GEMIN5: variants seen among roughly 807,000 people sequenced by gnomAD.
The protein encoded by GEMIN5 is gem-associated protein 5.
A neutral mutation model predicts 176.9 loss-of-function variants in GEMIN5; 124 were observed. That is an observed-to-expected ratio of 0.70 (90% CI 0.61 to 0.81). GEMIN5 has a LOEUF of 0.81. Among genes scored for constraint, GEMIN5 ranks in the 40% least tolerant of loss-of-function variants. The pLI is 0.00. For missense variants in GEMIN5, 1,843 were observed against 1,814.6 expected, an observed-to-expected ratio of 1.02 and a Z score of -0.28; for synonymous variants, 673 against 665.2, an observed-to-expected ratio of 1.01 and a Z score of -0.18.
Position 154,938,152 on chromosome 5 carries a change from A to G in GEMIN5, c.-19T>C, listed in dbSNP as rs528881574. On this transcript the variant is annotated 5_prime_UTR_variant, in exon 1 of 28. Transcript: ENST00000285873. ...GCCCCATAACTACAAGCCGTCAGAG[A>G]CAAGAGAAGCTGCCACAGCCGACCG... 7.4e-7 allele frequency: 1 copy of G among 1,357,254 alleles called. No individual in the cohort carries two copies. Among genetic ancestry groups the G allele is most frequent in the Non-Finnish European group, 9.5e-7 (1 of 1,047,936 alleles). The allele number at this position is 1,357,254 out of a possible 1,614,324, so 84.1% of individuals were successfully genotyped here.
chr5:154,928,566 G>C lies in GEMIN5; in HGVS notation c.875C>G (p.Pro292Arg), dbSNP rs1393795028. ...KERLWLTLHW[P>R]SNQPTQLVSS... ...TACCAGCTGTGTTGGTTGATTGCTGGGCCAATGGAGTGTCAACCAAAGGCG... is the reference window on the plus strand; with the variant it reads ...TACCAGCTGTGTTGGTTGATTGCTGCGCCAATGGAGTGTCAACCAAAGGCG... Residue 292 changes from proline to arginine, a missense_variant, in exon 6 of 28, where the codon CCC (proline) becomes CGC (arginine). Coordinates refer to ENST00000285873, the MANE Select transcript of GEMIN5 (RefSeq NM_015465.5). The C allele has an allele frequency of 1.2e-6, 2 of 1,613,896 alleles. No homozygotes were observed. Among genetic ancestry groups the C allele is most frequent in the Non-Finnish European group, 1.7e-6 (2 of 1,179,806 alleles).
intron 23 of GEMIN5, among the ~76,000 whole-genome samples, chr5:154,897,370 G>A (rs1246110247): frequency 1.3e-5 from 2 of 152,180 alleles, no homozygotes; most frequent in Non-Finnish European, 2.9e-5. Context: ...TCAGAAACTA[G>A]GTAAGTGTGC....
chr5:154,928,316 A>C lies in GEMIN5; in HGVS notation c.914+211T>G, dbSNP rs551590262. Among the ~76,000 whole-genome samples the C allele has an allele frequency of 4.4e-4, 67 of 152,338 alleles. 1 individual carries two copies. In the South Asian group the frequency reaches 0.013, roughly 30 times the overall value. The stretch of plus-strand genomic sequence containing the variant: ...GATTCTGAAATTTAGTTCTGACTTC[A>C]GAGTCCATATTCCTAACTGCCGGAC... On this transcript the variant is annotated intron_variant, in intron 6 of 27. Transcript: ENST00000285873.
chr5:154,934,558 C>T (rs188123418), intron 3 of GEMIN5, among the ~76,000 whole-genome samples: 2 of 152,176 alleles, frequency 1.3e-5, no homozygotes, highest in African/African-American at 4.8e-5. Flanking sequence ...GTGATCCACC[C>T]GCCTCGGCCT....
intron 11 of GEMIN5, among the ~76,000 whole-genome samples, chr5:154,918,798 T>C (rs1218757458): frequency 6.6e-6 from 1 of 151,398 alleles, no homozygotes; most frequent in East Asian, 2.0e-4. Context: ...AATCAGTACT[T>C]TGGGAGGCCA....
chr5:154,924,140 C>T (rs1763980023), intron 9 of GEMIN5, among the ~76,000 whole-genome samples: 1 of 152,084 alleles, frequency 6.6e-6, no homozygotes, highest in Admixed American at 6.5e-5. Flanking sequence ...GTGTATTTTA[C>T]ACTTACAGCA....
In GEMIN5 at chr5:154,938,058, C is replaced by T. The variant is rs369180681; in HGVS notation, c.76G>A (p.Gly26Ser). Residue 26 changes from glycine to serine, a missense_variant, in exon 1 of 28, where the codon GGC becomes AGC. Transcript: ENST00000285873. ...CARCSDAVPG[G>S]LFGFAARTSV... ...GTCCGCGCGGCGAAGCCAAAGAGGC[C>T]CCCGGGCACGGCATCGCTGCAGCGG... 44 of 1,534,108 alleles carry T rather than the reference C, an allele frequency of 2.9e-5. No homozygotes were observed. The Middle Eastern group carries it at 8.1e-4, about 28-fold the overall frequency.
chr5:154,915,367 T>C (rs898600407), intron 13 of GEMIN5, among the ~76,000 whole-genome samples: 2 of 152,188 alleles, frequency 1.3e-5, no homozygotes, highest in African/African-American at 4.8e-5. Flanking sequence ...TAGTGTCAGA[T>C]TATAATTTCT....
At chr5:154,909,631 A>G (rs1162167903) in intron 15 of GEMIN5, among the ~76,000 whole-genome samples, 1 of 152,136 alleles carries the variant, frequency 6.6e-6, no homozygotes, top group Non-Finnish European at 1.5e-5. Context: ...CCCCTGCTTG[A>G]GCCCTAGGCA....
intron 13 of GEMIN5, among the ~76,000 whole-genome samples, chr5:154,914,084 G>A (rs1763764140): frequency 1.3e-5 from 2 of 151,668 alleles, no homozygotes; most frequent in Non-Finnish European, 2.9e-5. Context: ...GCAATGGCAC[G>A]ATCTCGGCTC....
chr5:154,912,041 T>C, intron 14 of GEMIN5, 143 bp from the exon 15 acceptor site: 1 of 737,858 alleles, frequency 1.4e-6, no homozygotes, highest in Non-Finnish European at 2.2e-6. Context: ...GAGTTTTCTC[T>C]TAGAAGTTCA....
At chr5:154,892,769 A>C (rs541276422) in intron 24 of GEMIN5, 2 of 518,288 alleles carry the variant, frequency 3.9e-6, no homozygotes, top group Non-Finnish European at 6.9e-6. Context: ...AAGTCTGTTC[A>C]CACTGAGAAA....
rs1763552113 is a variant in GEMIN5, at chr5:154,905,593, T to C, written c.2396-117A>G. On this transcript the variant is annotated intron_variant, in intron 16 of 27. Coordinates refer to ENST00000285873, the MANE Select transcript of GEMIN5 (RefSeq NM_015465.5). ...TTAGCAATATAATCAATTCATCTAT[T>C]ACCAAAACTTTTGAGATAAAATGCA... The C allele has an allele frequency of 3.1e-5, 14 of 451,386 alleles. No individual in the cohort carries two copies. In the South Asian group the frequency reaches 5.0e-4, roughly 16 times the overall value. The allele number at this position is 451,386 out of a possible 1,614,324, so 28.0% of individuals were successfully genotyped here. A position where few individuals can be genotyped will look rare whatever the true frequency, so the allele number is the denominator to read the frequency against.
intron 21 of GEMIN5, among the ~76,000 whole-genome samples, chr5:154,900,417 T>C (rs1026035395): frequency 6.6e-5 from 10 of 152,202 alleles, no homozygotes; most frequent in African/African-American, 2.4e-4. Context: ...CAGACTTACC[T>C]TTCTGCCATA....
Position 154,887,779 on chromosome 5 carries a change from C to A in GEMIN5, c.*431G>T, listed in dbSNP as rs1322967608. On this transcript the variant is annotated 3_prime_UTR_variant, in exon 28 of 28. Transcript: ENST00000285873. ...TATAAAAACAATTAAAAAAAGGTAT[C>A]AATAGTCCTAAAATGCAGCAACTCC... 3 of 156,558 alleles carry A rather than the reference C, an allele frequency of 1.9e-5. No homozygotes were observed. Among genetic ancestry groups the A allele is most frequent in the African/African-American group, 4.8e-5 (2 of 41,474 alleles). 9.7% of individuals were successfully genotyped at this position (156,558 alleles called of 1,614,324 possible).
At chr5:154,895,336 G>GAAAAAA (rs370508883) in intron 24 of GEMIN5, among the ~76,000 whole-genome samples, 1 of 75,664 alleles carries the variant, frequency 1.3e-5, no homozygotes, top group Non-Finnish European at 2.7e-5. Flanking sequence ...CTCCAGAAAG[G>GAAAAAA]AAAAAAAAAA....
chr5:154,931,455 TACCTCG>T lies in GEMIN5; in HGVS notation c.778_781+2del. 6.2e-7 allele frequency: 1 copy of T among 1,604,152 alleles called. No homozygotes were observed. Among genetic ancestry groups the T allele is most frequent in the South Asian group, 1.1e-5 (1 of 89,942 alleles). ...TACATCACAAAAGAAAGATCAATCT[TACCTCG>T]GCCTCTAGAACAGCTCCAGATTCGA... On this transcript the variant is annotated splice_donor_variant and coding_sequence_variant, in exon 5 of 28. Coordinates refer to ENST00000285873, the MANE Select transcript of GEMIN5 (RefSeq NM_015465.5). LOFTEE classifies it high-confidence loss of function.
At chr5:154,921,735 C>T (rs1019287257) in intron 9 of GEMIN5, among the ~76,000 whole-genome samples, 1 of 152,164 alleles carries the variant, frequency 6.6e-6, no homozygotes, top group Admixed American at 6.5e-5. Context: ...ATTATCACCA[C>T]CCAAATGTAT....
At chr5:154,894,437 G>A (rs1308165531) in intron 24 of GEMIN5, among the ~76,000 whole-genome samples, 1 of 152,184 alleles carries the variant, frequency 6.6e-6, no homozygotes, top group Non-Finnish European at 1.5e-5. Flanking sequence ...CTAGGTAGCA[G>A]AACTGCTGAG....
Sources: gnomAD v4.1 joint callset for allele counts (sites outside exome capture counted in the v4.1 genomes callset) on GRCh38, gnomAD v4.1.1 for gene constraint, MANE v1.5 for transcripts, NCBI Gene and HGNC (gene_info 2026-07-23, HGNC 2026-07-21) for gene names.